Variants in IL4I1 observed in about 807,000 individuals in gnomAD.
IL4I1 encodes the protein L-amino-acid oxidase.
In IL4I1, 24 loss-of-function variants were observed where a neutral mutation model predicts 29.7. That is an observed-to-expected ratio of 0.81 (90% CI 0.59 to 1.14). The LOEUF is 1.14. Among genes scored for constraint, IL4I1 ranks in the 50% most tolerant of loss-of-function variants. IL4I1 has a pLI of 0.00. For synonymous variants in IL4I1, 371 were observed against 352.5 expected, an observed-to-expected ratio of 1.05 and a Z score of -0.59; for missense variants, 686 against 785.6, an observed-to-expected ratio of 0.87 and a Z score of 1.52.
chr19:49,895,668 C>T lies in IL4I1; in HGVS notation c.252+147G>A, dbSNP rs73934061. ...ATGTGACAGCAGGGGGCTTGGGCCT[C>T]ACCCCCAGACTACAGGGAAAGATAG... On this transcript the variant is annotated intron_variant, in intron 3 of 7. Transcript: ENST00000391826. 2.9e-3 allele frequency: 2,344 copies of T among 807,058 alleles called. 38 individuals are homozygous for T. The African/African-American group carries it at 0.034, about 12-fold the overall frequency. 50.0% of individuals were successfully genotyped at this position (807,058 alleles called of 1,614,324 possible).
At chr19:49,928,953 A>G (rs1002183501) in intron 1 of IL4I1, 2 of 152,642 alleles carry the variant, frequency 1.3e-5, no homozygotes, top group Admixed American at 1.3e-4. Context: ...GGAGGAGGAA[A>G]CCAGACCCCG....
chr19:49,914,378 C>G (rs549810976), intron 2 of IL4I1, among the ~76,000 whole-genome samples: 1 of 152,108 alleles, frequency 6.6e-6, no homozygotes, highest in Non-Finnish European at 1.5e-5. Flanking sequence ...GGCCTGTGCT[C>G]AGGGCTGGGT....
intron 2 of IL4I1, chr19:49,908,125 T>TGAAA: frequency 6.6e-7 from 1 of 1,519,190 alleles, no homozygotes; most frequent in Non-Finnish European, 8.8e-7. Flanking sequence ...GGCAGTCATG[T>TGAAA]GAAAGAAAGA....
intron 2 of IL4I1, among the ~76,000 whole-genome samples, chr19:49,916,731 T>C (rs1180596385): frequency 6.6e-6 from 1 of 151,600 alleles, no homozygotes; most frequent in Non-Finnish European, 1.5e-5. Context: ...ACCACTGCAC[T>C]CCAGCCTGGG....
chr19:49,909,153 G>T, intron 2 of IL4I1: 1 of 1,613,228 alleles, frequency 6.2e-7, no homozygotes, highest in South Asian at 1.1e-5. Flanking sequence ...AAGAGGCTGG[G>T]CCCAGTGCTG....
At chr19:49,908,631 G>A (rs759856766) in intron 2 of IL4I1, 1 of 1,613,354 alleles carries the variant, frequency 6.2e-7, no homozygotes, top group Admixed American at 1.7e-5. Flanking sequence ...ATGAAGTCGA[G>A]CTCCTGGTCC....
intron 3 of IL4I1, among the ~76,000 whole-genome samples, 157 bp from the exon 4 acceptor site, chr19:49,895,337 A>G (rs1249250559): frequency 6.6e-6 from 1 of 152,176 alleles, no homozygotes; most frequent in Non-Finnish European, 1.5e-5. Context: ...AGGTGGGGGA[A>G]CAGAACTGAG....
chr19:49,911,187 C>G (rs184572957), intron 2 of IL4I1: 1 of 152,364 alleles, frequency 6.6e-6, no homozygotes, highest in African/African-American at 2.4e-5. Context: ...CAGGCGTGAG[C>G]CCTAAAGATG....
At chr19:49,917,525 A>C (rs2075654859) in intron 2 of IL4I1, 1 of 152,342 alleles carries the variant, frequency 6.6e-6, no homozygotes, top group Non-Finnish European at 1.5e-5. Flanking sequence ...CAAGCGGTCC[A>C]GGCCAAATGG....
At chr19:49,920,805 G>A (rs1027745844) in intron 2 of IL4I1, among the ~76,000 whole-genome samples, 1 of 152,244 alleles carries the variant, frequency 6.6e-6, no homozygotes, top group African/African-American at 2.4e-5. Flanking sequence ...AGGGCTGAGG[G>A]ACTCTGAGAG....
chr19:49,917,151 G>A (rs2075646165), intron 2 of IL4I1, among the ~76,000 whole-genome samples: 1 of 152,238 alleles, frequency 6.6e-6, no homozygotes, highest in African/African-American at 2.4e-5. Context: ...AGCAGAGAGT[G>A]AGGGAGTGGA....
intron 2 of IL4I1, chr19:49,904,420 C>T (rs1377747135): frequency 6.6e-6 from 1 of 152,012 alleles, no homozygotes; most frequent in Non-Finnish European, 1.5e-5. Flanking sequence ...CCTAGACTCC[C>T]CCAGGAGGCC....
intron 2 of IL4I1, among the ~76,000 whole-genome samples, chr19:49,912,263 G>A (rs916559407): frequency 2.7e-5 from 4 of 146,874 alleles, no homozygotes; most frequent in Admixed American, 7.0e-5. Context: ...TCCGCTTCCC[G>A]GGTTCAAGCG....
intron 5 of IL4I1, 57 bp from the exon 6 acceptor site, chr19:49,891,530 CG>C: frequency 6.7e-7 from 1 of 1,496,136 alleles, no homozygotes; most frequent in Middle Eastern, 1.7e-4. Flanking sequence ...GGGTGGAGGC[CG>C]GGCCTGGAGC....
intron 2 of IL4I1, among the ~76,000 whole-genome samples, chr19:49,910,540 C>T (rs1417545616): frequency 2.0e-5 from 3 of 152,154 alleles, no homozygotes; most frequent in Non-Finnish European, 2.9e-5. Context: ...TAAACTGAGA[C>T]CTGAGCCAGG....
intron 2 of IL4I1, chr19:49,909,550 A>G (rs2075408382): frequency 1.2e-6 from 2 of 1,613,962 alleles, no homozygotes; most frequent in Non-Finnish European, 1.7e-6. Context: ...AAGAAAATCC[A>G]GTTCCCCCCG....
At position 49,921,316 on chromosome 19, in the gene IL4I1, C is replaced by G. The variant is rs2075760556; in HGVS notation, c.-228+6378G>C. 6.6e-6 allele frequency among the ~76,000 whole-genome samples: 1 copy of G among 152,142 alleles called. No individual in the cohort carries two copies. The highest frequency in any genetic ancestry group is 1.5e-5 in the Non-Finnish European group (1 of 68,018). On this transcript the variant is annotated intron_variant, in intron 2 of 9. Coordinates refer to the IL4I1 transcript ENST00000341114. This position sits in a 1 kb window ranked among gnomAD's most constrained non-coding sequence, Gnocchi z 5.4. ...CCCCACAGCTGAGCTCCTAACCGCA[C>G]CGAGCCTCTCCAAAACATGGTCTTT...
upstream of IL4I1, among the ~76,000 whole-genome samples, chr19:49,900,920 A>T (rs1478523421): frequency 1.3e-5 from 2 of 152,212 alleles, no homozygotes; most frequent in Non-Finnish European, 2.9e-5. Context: ...TCATGTCTAT[A>T]CAGCAGCCAG....
chr19:49,923,745 G>A (rs943240854), intron 2 of IL4I1, among the ~76,000 whole-genome samples: 7 of 152,232 alleles, frequency 4.6e-5, no homozygotes, highest in Non-Finnish European at 8.8e-5. Context: ...CCCATTTTAC[G>A]GAGGGGAAAC....
Sources: gnomAD v4.1 joint callset for allele counts (sites outside exome capture counted in the v4.1 genomes callset) on GRCh38, gnomAD v4.1.1 for gene constraint, Gnocchi (gnomAD v3.1) non-coding constraint, MANE v1.5 for transcripts, NCBI Gene and HGNC (gene_info 2026-07-23, HGNC 2026-07-21) for gene names.